KLHL15: variants seen among roughly 807,000 people sequenced by gnomAD.
The protein encoded by KLHL15 is kelch like family member 15.
Under a neutral mutation model 29.3 loss-of-function variants are expected in KLHL15, and 1 was observed. The ratio of observed to expected loss-of-function variants is 0.03; its 90% CI spans 0.01 to 0.16. The LOEUF is 0.16. KLHL15 is among the 10% of genes least tolerant of loss of function. The pLI, the probability that KLHL15 is intolerant of heterozygous loss-of-function variation, is 1.00. For synonymous variants in KLHL15, 212 were observed against 184.5 expected, an observed-to-expected ratio of 1.15 and a Z score of -1.21; for missense variants, 215 against 478.5, an observed-to-expected ratio of 0.45 and a Z score of 5.14.
chrX:24,026,813 T>C (rs755592987), intron 1 of KLHL15, among the ~76,000 whole-genome samples: 1 of 111,872 alleles, frequency 8.9e-6, no homozygotes, highest in East Asian at 2.8e-4. Context: ...TATAACAAGC[T>C]TTAAAAAAAC....
chrX:24,024,553 T>C (rs1482471206), intron 2 of KLHL15, among the ~76,000 whole-genome samples: 1 of 112,280 alleles, frequency 8.9e-6, no homozygotes, highest in African/African-American at 3.2e-5. Context: ...CATAGTTCTA[T>C]TTCAGGCATA....
chrX:24,007,508 AATATAT>A (rs759758947), intron 2 of KLHL15, among the ~76,000 whole-genome samples: 9,418 of 35,996 alleles, frequency 0.26, 763 homozygotes, highest in South Asian at 0.58. Flanking sequence ...AAAAAAAAAA[AATATAT>A]ATATATATAT....
intron 2 of KLHL15, among the ~76,000 whole-genome samples, chrX:24,019,093 CTGAA>C (rs1354441139): frequency 8.0e-5 from 9 of 112,089 alleles, no homozygotes; most frequent in African/African-American, 2.6e-4. Context: ...TTGCAACAGA[CTGAA>C]TGCAGAAGCT....
At chrX:24,010,147 T>G (rs1929546277) in intron 2 of KLHL15, among the ~76,000 whole-genome samples, 1 of 111,031 alleles carries the variant, frequency 9.0e-6, no homozygotes, top group Non-Finnish European at 1.9e-5. Context: ...CAAACCCTAC[T>G]CCCACCCCAC....
At chrX:24,002,954 C>T (rs1353391444) in intron 3 of KLHL15, among the ~76,000 whole-genome samples, 1 of 112,834 alleles carries the variant, frequency 8.9e-6, no homozygotes, top group Non-Finnish European at 1.9e-5. Context: ...CTCATGTAAA[C>T]ACCTTAGAAT....
intron 2 of KLHL15, among the ~76,000 whole-genome samples, 175 bp from the exon 3 acceptor site, chrX:24,006,875 C>T (rs1929453950): frequency 8.9e-6 from 1 of 111,849 alleles, no homozygotes; most frequent in Non-Finnish European, 1.9e-5. Flanking sequence ...TTTCTGGCTT[C>T]CCTATCTAAG....
At position 23,990,055 on chromosome X, in the gene KLHL15, T is replaced by C. The variant is rs569322101; in HGVS notation, c.706-1025A>G. Among the ~76,000 whole-genome samples the C allele has an allele frequency of 3.6e-5, 4 of 110,358 alleles. No homozygotes were observed. The East Asian group carries it at 1.1e-3, about 32-fold the overall frequency. On this transcript the variant is annotated intron_variant, in intron 3 of 3. Coordinates refer to ENST00000328046, the MANE Select transcript of KLHL15 (RefSeq NM_030624.3). ...GGCCAGGTGCAGTGGCTCATGCCTGTTGTCCAAGCACTTAGGGAGGCCAAG... is the reference window on the plus strand; with the variant it reads ...GGCCAGGTGCAGTGGCTCATGCCTGCTGTCCAAGCACTTAGGGAGGCCAAG...
intron 2 of KLHL15, among the ~76,000 whole-genome samples, chrX:24,021,010 T>C (rs983620110): frequency 5.7e-4 from 64 of 111,955 alleles, no homozygotes; most frequent in African/African-American, 2.0e-3. Context: ...TTTCAGTGAT[T>C]GAGCCTGATG....
chrX:23,991,132 T>C (rs1929075174), intron 3 of KLHL15, among the ~76,000 whole-genome samples: 2 of 107,939 alleles, frequency 1.9e-5, no homozygotes, highest in Non-Finnish European at 3.8e-5. Flanking sequence ...GCGGGCAGAT[T>C]ACCTGAGCTC....
chrX:23,998,643 T>C (rs1205350561), intron 3 of KLHL15, among the ~76,000 whole-genome samples: 2 of 112,003 alleles, frequency 1.8e-5, no homozygotes, highest in African/African-American at 6.5e-5. Context: ...CTATTTATGA[T>C]AGAACAGGAA....
At chrX:23,993,984 G>A (rs1929135997) in intron 3 of KLHL15, among the ~76,000 whole-genome samples, 3 of 106,481 alleles carry the variant, frequency 2.8e-5, no homozygotes, top group Admixed American at 2.0e-4. Flanking sequence ...CCAGGTTGAG[G>A]TTGCGTGAGC....
Position 23,985,917 on chromosome X carries a change from TTCAAAA to T in KLHL15, c.*1998_*2003del, listed in dbSNP as rs1293635563. 6 of 92,629 alleles carry T rather than the reference TTCAAAA, an allele frequency of 6.5e-5. No homozygotes were observed. The highest frequency in any genetic ancestry group is 8.1e-5 in the Non-Finnish European group (4 of 49,480). The allele number at this position is 92,629 out of a possible 1,213,427, so 7.6% of individuals were successfully genotyped here. Reference sequence around the variant, plus strand: ...TTAAATGGCTAACTTATTCCTAACTTTCAAAAATAAAATAATGTATTTTTTAAATGT... The same window carrying T: ...TTAAATGGCTAACTTATTCCTAACTTATAAAATAATGTATTTTTTAAATGT... On this transcript the variant is annotated 3_prime_UTR_variant, in exon 4 of 4. Transcript: ENST00000328046.
chrX:24,026,340 T>C (rs1402526691), intron 1 of KLHL15, among the ~76,000 whole-genome samples: 1 of 112,471 alleles, frequency 8.9e-6, no homozygotes, highest in Non-Finnish European at 1.9e-5. Flanking sequence ...TTTTTGTTGT[T>C]CGTTTTTTAT....
At chrX:23,992,962 G>A (rs932607411) in intron 3 of KLHL15, among the ~76,000 whole-genome samples, 1 of 111,785 alleles carries the variant, frequency 8.9e-6, no homozygotes, top group Non-Finnish European at 1.9e-5. Context: ...GTTAAAGGAA[G>A]AGTGAAGCCC....
At chrX:23,996,435 C>A (rs7057671) in intron 3 of KLHL15, among the ~76,000 whole-genome samples, 1 of 110,840 alleles carries the variant, frequency 9.0e-6, no homozygotes, top group African/African-American at 3.3e-5. Context: ...GGAGGCCAGG[C>A]GAGCGGATCA....
chrX:24,017,497 A>G (rs771913984), intron 2 of KLHL15, among the ~76,000 whole-genome samples: 74 of 110,677 alleles, frequency 6.7e-4, no homozygotes, highest in African/African-American at 2.1e-3. Flanking sequence ...ATAACAGATC[A>G]GAGTCAGGCG....
In KLHL15 at chrX:24,024,985, G is replaced by C. The variant is rs1929890759; in HGVS notation, c.-136C>G. ...CAGGCTCCTCGGACGTCTACGAGCA[G>C]CCGCTCCCGGCACGAGCCGGGTCGC... is the stretch of plus-strand genomic sequence containing the variant. On this transcript the variant is annotated 5_prime_UTR_variant, in exon 2 of 4. Transcript: ENST00000328046. 3.4e-6 allele frequency: 1 copy of C among 297,307 alleles called. No individual in the cohort carries two copies. Among genetic ancestry groups the C allele is most frequent in the Non-Finnish European group, 5.9e-6 (1 of 170,007 alleles). 24.5% of individuals were successfully genotyped at this position (297,307 alleles called of 1,213,427 possible).
intron 2 of KLHL15, among the ~76,000 whole-genome samples, chrX:24,024,001 A>G (rs763542294): frequency 8.9e-6 from 1 of 112,359 alleles, no homozygotes; most frequent in Admixed American, 9.5e-5. Context: ...CCACTTAATC[A>G]GATTAACAAA....
Position 24,024,844 on chromosome X carries a change from G to A in KLHL15, c.-8+13C>T, listed in dbSNP as rs1300200033. On this transcript the variant is annotated intron_variant, in intron 2 of 3. Transcript: ENST00000328046. ...CGGGCTCCGCAGGCCGGCGGCCAGG[G>A]GCGGCTACGTACCTCGGGGGGTCCT... The A allele has an allele frequency of 3.4e-5, 10 of 295,108 alleles. No individual in the cohort carries two copies. Among genetic ancestry groups the A allele is most frequent in the Non-Finnish European group, 5.9e-5 (10 of 169,100 alleles). 24.3% of individuals were successfully genotyped at this position (295,108 alleles called of 1,213,427 possible). A position where few individuals can be genotyped will look rare whatever the true frequency, so the allele number is the denominator to read the frequency against.
Sources: gnomAD v4.1 joint callset for allele counts (sites outside exome capture counted in the v4.1 genomes callset) on GRCh38, gnomAD v4.1.1 for gene constraint, MANE v1.5 for transcripts, NCBI Gene and HGNC (gene_info 2026-07-23, HGNC 2026-07-21) for gene names.